The following ARB2A variants were observed in gnomAD, a reference collection of about 807,000 sequenced individuals.
The protein encoded by ARB2A is cotranscriptional regulator ARB2A.
At chr5:93,995,921 T>C in the ARB2A span, among the ~76,000 whole-genome samples, 21 of 152,180 alleles carry the variant, frequency 1.4e-4, no homozygotes, top group Admixed American at 1.4e-3. Flanking sequence ...AATACAGTAT[T>C]GGGTATGTAG....
At chr5:94,058,330 T>A in the ARB2A span, among the ~76,000 whole-genome samples, 1 of 152,140 alleles carries the variant, frequency 6.6e-6, no homozygotes, top group African/African-American at 2.4e-5. Context: ...TAATTTACAA[T>A]GTCTGGTATC....
At chr5:93,651,304 T>C in the ARB2A span, among the ~76,000 whole-genome samples, 1 of 151,958 alleles carries the variant, frequency 6.6e-6, no homozygotes. Context: ...CTTGGCTAAT[T>C]TTTTATTTTT....
the ARB2A span, among the ~76,000 whole-genome samples, chr5:93,835,841 A>C: frequency 6.6e-6 from 1 of 152,102 alleles, no homozygotes; most frequent in African/African-American, 2.4e-5. Flanking sequence ...TAAAATCTAC[A>C]CCTGTTTTAC....
chr5:94,106,519 T>C, the ARB2A span, among the ~76,000 whole-genome samples: 320 of 152,124 alleles, frequency 2.1e-3, 3 homozygotes, highest in South Asian at 0.021. Flanking sequence ...GCTTATACAG[T>C]GGTGGGGGGA....
chr5:93,656,671 A>AAC, the ARB2A span, among the ~76,000 whole-genome samples: 1 of 152,198 alleles, frequency 6.6e-6, no homozygotes, highest in Non-Finnish European at 1.5e-5. Context: ...TTTTAAAAGA[A>AAC]ACAAAAAAGC....
At chr5:93,881,635 T>C in the ARB2A span, 1 of 1,602,990 alleles carries the variant, frequency 6.2e-7, no homozygotes, top group African/African-American at 1.3e-5. Context: ...TCTTCGGCTT[T>C]TCTACTTCAA....
At chr5:93,879,131 A>G in the ARB2A span, among the ~76,000 whole-genome samples, 8 of 152,206 alleles carry the variant, frequency 5.3e-5, no homozygotes, top group Non-Finnish European at 1.2e-4. Context: ...GTATTGGGAG[A>G]TAAGTAGAGA....
the ARB2A span, among the ~76,000 whole-genome samples, chr5:93,984,868 C>A: frequency 6.6e-6 from 1 of 152,202 alleles, no homozygotes; most frequent in East Asian, 1.9e-4. Flanking sequence ...ATATGAAAAA[C>A]AATATTTTAA....
At chr5:93,681,082 A>C in the ARB2A span, among the ~76,000 whole-genome samples, 3 of 152,130 alleles carry the variant, frequency 2.0e-5, no homozygotes, top group African/African-American at 4.8e-5. Flanking sequence ...GTGTATCTCC[A>C]AGAAGAAGAT....
At chr5:93,908,854 C>G in the ARB2A span, among the ~76,000 whole-genome samples, 1 of 150,710 alleles carries the variant, frequency 6.6e-6, no homozygotes, top group Non-Finnish European at 1.5e-5. Context: ...ACAGAATTGT[C>G]CTTCTAAAAA....
chr5:93,865,373 C>A, the ARB2A span: 2 of 985,316 alleles, frequency 2.0e-6, no homozygotes, highest in South Asian at 9.4e-5. Flanking sequence ...AGCCACCGCG[C>A]CCAGCCGATC....
At chr5:93,842,827 C>T in the ARB2A span, among the ~76,000 whole-genome samples, 215 of 152,300 alleles carry the variant, frequency 1.4e-3, no homozygotes, top group African/African-American at 5.1e-3. Context: ...CTTTGCACAT[C>T]CTGACAGGAG....
At chr5:93,627,438 G>GTTTTTT in the ARB2A span, among the ~76,000 whole-genome samples, 662 of 107,942 alleles carry the variant, frequency 6.1e-3, 21 homozygotes, top group African/African-American at 0.025. Flanking sequence ...TACAAAATGT[G>GTTTTTT]TTTTGTTTTT....
At chr5:93,709,694 A>G in the ARB2A span, among the ~76,000 whole-genome samples, 1 of 150,980 alleles carries the variant, frequency 6.6e-6, no homozygotes, top group African/African-American at 2.4e-5. Flanking sequence ...TAAATTGCAG[A>G]TTATATATAT....
At chr5:94,054,376 T>C in the ARB2A span, among the ~76,000 whole-genome samples, 1 of 152,178 alleles carries the variant, frequency 6.6e-6, no homozygotes, top group Non-Finnish European at 1.5e-5. Flanking sequence ...TTCTTTTCCA[T>C]GATCTTGACA....
the ARB2A span, among the ~76,000 whole-genome samples, chr5:93,967,992 G>C: frequency 1.9e-4 from 29 of 152,030 alleles, no homozygotes; most frequent in Non-Finnish European, 4.1e-4. Flanking sequence ...AAAGACAATA[G>C]AGGAGACAAA....
chr5:93,628,369 G>C, the ARB2A span, among the ~76,000 whole-genome samples: 2 of 151,964 alleles, frequency 1.3e-5, no homozygotes, highest in Non-Finnish European at 2.9e-5. Flanking sequence ...AATTTTTAAG[G>C]CCCTAGGATT....
At chr5:93,858,548 A>G in the ARB2A span, among the ~76,000 whole-genome samples, 1 of 152,176 alleles carries the variant, frequency 6.6e-6, no homozygotes, top group Non-Finnish European at 1.5e-5. Flanking sequence ...CATCTCCTTT[A>G]GCCTTTATCT....
the ARB2A span, among the ~76,000 whole-genome samples, chr5:93,745,456 CTGAGTATAG>C: frequency 1.3e-5 from 2 of 152,146 alleles, no homozygotes; most frequent in African/African-American, 4.8e-5. Flanking sequence ...TCACAGTGCT[CTGAGTATAG>C]TAAGTCCATG....
Sources: gnomAD v4.1 joint callset for allele counts (sites outside exome capture counted in the v4.1 genomes callset) on GRCh38, gnomAD v4.1.1 for gene constraint, MANE v1.5 for transcripts, NCBI Gene and HGNC (gene_info 2026-07-23, HGNC 2026-07-21) for gene names.